BEGAIN: variants seen among roughly 807,000 people sequenced by gnomAD.
BEGAIN encodes brain enriched guanylate kinase associated, also known as brain-enriched guanylate kinase-associated protein.
In BEGAIN, 19 loss-of-function variants were observed where a neutral mutation model predicts 35.8. That is an observed-to-expected ratio of 0.53 (90% CI 0.37 to 0.78). The LOEUF (loss-of-function observed/expected upper bound fraction) is 0.78. Ranked by LOEUF, BEGAIN falls within the 30% of genes least tolerant of loss-of-function variation. The pLI is 0.00. For synonymous variants in BEGAIN, 462 were observed against 388.6 expected, an observed-to-expected ratio of 1.19 and a Z score of -2.22; for missense variants, 795 against 853.6, an observed-to-expected ratio of 0.93 and a Z score of 0.85.
intron 2 of BEGAIN, among the ~76,000 whole-genome samples, chr14:100,562,687 TC>T (rs1179060432): frequency 5.3e-5 from 8 of 151,992 alleles, no homozygotes; most frequent in Non-Finnish European, 2.9e-5. Context: ...CACCTGCTGC[TC>T]CCTCTGCCTG....
At chr14:100,555,615 C>T (rs1047005080) in intron 2 of BEGAIN, among the ~76,000 whole-genome samples, 2 of 152,284 alleles carry the variant, frequency 1.3e-5, no homozygotes, top group African/African-American at 4.8e-5. Context: ...TGAGGTCACA[C>T]AGCCCGGCTG....
Position 100,568,448 on chromosome 14 carries a change from A to G in BEGAIN, c.43-509T>C, listed in dbSNP as rs1264346504. 9 of 1,284,832 alleles carry G rather than the reference A, an allele frequency of 7.0e-6. No homozygotes were observed. Among genetic ancestry groups the G allele is most frequent in the African/African-American group, 4.6e-5 (3 of 65,620 alleles). 79.6% of individuals were successfully genotyped at this position (1,284,832 alleles called of 1,614,324 possible). A position where few individuals can be genotyped will look rare whatever the true frequency, so the allele number is the denominator to read the frequency against. On this transcript the variant is annotated intron_variant, in intron 1 of 6. Transcript: ENST00000554140. The surrounding 1 kb of genome is among the most constrained non-coding windows in gnomAD (Gnocchi z 7.5). ...GATTGCAGAACCTGACACTCACACA[A>G]TCCGAGGGCGATGGCATTTGGAGCC...
intron 1 of BEGAIN, among the ~76,000 whole-genome samples, chr14:100,575,677 G>A (rs1231193837): frequency 6.6e-6 from 1 of 152,104 alleles, no homozygotes; most frequent in Non-Finnish European, 1.5e-5. Context: ...GTTAGGCCTG[G>A]AGACCAGGGC....
chr14:100,546,961 G>T, intron 2 of BEGAIN: 1 of 277,900 alleles, frequency 3.6e-6, no homozygotes, highest in Non-Finnish European at 6.8e-6. Flanking sequence ...GGCTGGAGGA[G>T]TCTTTGACCC....
chr14:100,579,141 G>A (rs1308888905), intron 1 of BEGAIN, among the ~76,000 whole-genome samples: 3 of 152,328 alleles, frequency 2.0e-5, no homozygotes, highest in Admixed American at 1.3e-4. Context: ...GATTATAGGC[G>A]TGAGCCACTG....
At position 100,546,680 on chromosome 14, in the gene BEGAIN, C is replaced by G. The variant is rs1215841914; in HGVS notation, c.72-18G>C. 3.3e-6 allele frequency: 5 copies of G among 1,536,616 alleles called. No individual in the cohort carries two copies. The highest frequency in any genetic ancestry group is 3.8e-5 in the Admixed American group (2 of 52,370). ...GCAGCGCGCTGCAACGACATGGCGG[C>G]GGCGGGCCGGGCCGCGGCGCTGAGC... is the stretch of plus-strand genomic sequence containing the variant. On this transcript the variant is annotated intron_variant, in intron 2 of 6. Transcript: ENST00000554140.
At chr14:100,583,873 T>C (rs1229147762) in intron 1 of BEGAIN, among the ~76,000 whole-genome samples, 1 of 152,048 alleles carries the variant, frequency 6.6e-6, no homozygotes, top group African/African-American at 2.4e-5. Context: ...ATTTTTTTTG[T>C]ATTTTTATAG....
At chr14:100,574,061 C>T (rs7493924) in intron 1 of BEGAIN, among the ~76,000 whole-genome samples, 27,702 of 152,082 alleles carry the variant, frequency 0.18, 3,244 homozygotes, top group East Asian at 0.56. Flanking sequence ...AGGACAAGGA[C>T]GGAGAGCCGC....
intron 2 of BEGAIN, among the ~76,000 whole-genome samples, chr14:100,555,967 T>C (rs1437333388): frequency 1.3e-5 from 2 of 151,888 alleles, no homozygotes; most frequent in East Asian, 1.9e-4. Context: ...GAAAGACACA[T>C]GCATGCATGT....
At position 100,569,000 on chromosome 14, in the gene BEGAIN, C is replaced by T. The variant is rs2034961704; in HGVS notation, c.43-1061G>A. The T allele has an allele frequency of 3.2e-6, 3 of 940,666 alleles. No individual in the cohort carries two copies. Among genetic ancestry groups the T allele is most frequent in the Non-Finnish European group, 3.8e-6 (3 of 790,192 alleles). The allele number at this position is 940,666 out of a possible 1,614,324, so 58.3% of individuals were successfully genotyped here. A position where few individuals can be genotyped will look rare whatever the true frequency, so the allele number is the denominator to read the frequency against. ...CTCGGGTCCGGGCCCCACGCCGCCT[C>T]CCCCACCGCCCCGCCGGGCGAGGGC... On this transcript the variant is annotated intron_variant, in intron 1 of 6. Coordinates refer to ENST00000554140, the MANE Select transcript of BEGAIN (RefSeq NM_001385089.1). This position sits in a 1 kb window ranked among gnomAD's most constrained non-coding sequence, Gnocchi z 7.5.
chr14:100,587,360 G>T lies in BEGAIN; in HGVS notation c.-70C>A. The T allele has an allele frequency of 6.8e-6, 1 of 146,414 alleles. No individual in the cohort carries two copies. The highest frequency in any genetic ancestry group is 1.8e-4 in the South Asian group (1 of 5,576). The allele number at this position is 146,414 out of a possible 1,614,324, so 9.1% of individuals were successfully genotyped here. On this transcript the variant is annotated 5_prime_UTR_variant, in exon 1 of 7. Coordinates refer to ENST00000554140, the MANE Select transcript of BEGAIN (RefSeq NM_001385089.1). ...CGCCCCCTCCCCTCCGAGGCCGAGC[G>T]CGCCGGGAGCCGGCGCGGCCGGGGC...
chr14:100,585,921 C>G (rs2035435363), intron 1 of BEGAIN, among the ~76,000 whole-genome samples: 1 of 152,268 alleles, frequency 6.6e-6, no homozygotes, highest in African/African-American at 2.4e-5. Flanking sequence ...TGAGCCCGGG[C>G]AGAGCCGCAT....
chr14:100,537,972 G>A lies in BEGAIN; in HGVS notation c.1836C>T (p.Asn612=). Residue 612 remains asparagine, a synonymous_variant, in exon 7 of 7, where the codon AAC becomes AAT. Coordinates refer to ENST00000554140, the MANE Select transcript of BEGAIN (RefSeq NM_001385089.1). ...GGCCAGGCCTGCACGCAGGCGCTCA[G>A]TTGAGCAAGGTTCCGTAGAGCTGGG... ...TKAQLYGTLL[N] The A allele has an allele frequency of 6.2e-7, 1 of 1,607,294 alleles. No homozygotes were observed.
intron 2 of BEGAIN, among the ~76,000 whole-genome samples, chr14:100,566,099 G>A (rs1205286686): frequency 6.6e-6 from 1 of 152,224 alleles, no homozygotes; most frequent in African/African-American, 2.4e-5. Flanking sequence ...GAGGAGGGCA[G>A]GACCCCTCCC....
At chr14:100,544,084 G>A (rs1413743402) in intron 4 of BEGAIN, 119 bp from the exon 5 acceptor site, 3 of 688,936 alleles carry the variant, frequency 4.4e-6, no homozygotes, top group Non-Finnish European at 7.5e-6. Context: ...ACACTTAGAG[G>A]GCCAAGGGTG....
chr14:100,569,998 CG>C (rs2035023076), intron 1 of BEGAIN, among the ~76,000 whole-genome samples: 1 of 152,056 alleles, frequency 6.6e-6, no homozygotes, highest in Admixed American at 6.5e-5. Context: ...ACCCCCTATG[CG>C]GGAGCAAAGC....
rs2032464709 is a variant in BEGAIN at position 100,546,459 on chromosome 14, C to CCCGGCCCTCGCCCCGG, written c.233+41_233+42insCCGGGGCGAGGGCCGG. ...TCGCCCCGCCCCGGCCCTCGCCCCGCCCCGGCCCTCGCCCCGCCCCGGCCC... is the reference window on the plus strand; with the variant it reads ...TCGCCCCGCCCCGGCCCTCGCCCCGCCCGGCCCTCGCCCCGGCCCGGCCCTCGCCCCGCCCCGGCCC... On this transcript the variant is annotated intron_variant, in intron 3 of 6. Transcript: ENST00000554140. 23 of 214,638 alleles carry CCCGGCCCTCGCCCCGG rather than the reference C, an allele frequency of 1.1e-4. 3 individuals are homozygous for CCCGGCCCTCGCCCCGG. The highest frequency in any genetic ancestry group is 2.5e-4 in the Admixed American group (2 of 8,080). The allele number at this position is 214,638 out of a possible 1,614,324, so 13.3% of individuals were successfully genotyped here. A position where few individuals can be genotyped will look rare whatever the true frequency, so the allele number is the denominator to read the frequency against.
In BEGAIN at chr14:100,538,944, C is replaced by T; in HGVS notation, c.864G>A (p.Glu288=). The stretch of plus-strand genomic sequence containing the variant: ...AGGCCGCCGCCTCGGCCTCCTCCTC[C>T]TCCTCGGCCGCGCTGTCAGTGGAGT... ...AQNSTDSAAE[E]EEEAEAAAFP... The change falls in exon 7 of 7, where the codon GAG becomes GAA. Residue 288 remains glutamate, a synonymous_variant. Transcript: ENST00000554140. 11 of 1,608,890 alleles carry T rather than the reference C, an allele frequency of 6.8e-6. No homozygotes were observed. The highest frequency in any genetic ancestry group is 9.3e-6 in the Non-Finnish European group (11 of 1,178,118).
intron 1 of BEGAIN, among the ~76,000 whole-genome samples, chr14:100,579,138 G>A (rs999195003): frequency 2.6e-5 from 4 of 152,216 alleles, no homozygotes; most frequent in African/African-American, 7.2e-5. Context: ...TGGGATTATA[G>A]GCGTGAGCCA....
Sources: allele counts gnomAD v4.1 joint callset (sites outside exome capture counted in the v4.1 genomes callset), GRCh38; gene constraint gnomAD v4.1.1; non-coding constraint Gnocchi (gnomAD v3.1); transcripts MANE v1.5; gene names NCBI Gene and HGNC (gene_info 2026-07-23, HGNC 2026-07-21).